Variants in EPCIP observed in about 807,000 individuals in gnomAD.
The protein encoded by EPCIP is exosomal polycystin 1 interacting protein.
the EPCIP span, among the ~76,000 whole-genome samples, chr21:32,809,279 C>CCTTCCTTTCTTTCTTTCTTTCTTT: frequency 1.3e-5 from 1 of 79,968 alleles, no homozygotes; most frequent in African/African-American, 4.6e-5. Context: ...CTCCCTCCTT[C>CCTTCCTTTCTTTCTTTCTTTCTTT]CTTTCTTTCT....
chr21:32,803,106 A>G, the EPCIP span, among the ~76,000 whole-genome samples: 1 of 152,150 alleles, frequency 6.6e-6, no homozygotes, highest in Non-Finnish European at 1.5e-5. Context: ...GAGTAGGTGG[A>G]GTAGCTCTCC....
At chr21:32,811,409 A>T in the EPCIP span, among the ~76,000 whole-genome samples, 1 of 152,276 alleles carries the variant, frequency 6.6e-6, no homozygotes, top group East Asian at 1.9e-4. Flanking sequence ...TGGGGTTACA[A>T]GCATGAGCCA....
At chr21:32,810,713 T>G in the EPCIP span, 1 of 470,248 alleles carries the variant, frequency 2.1e-6, no homozygotes, top group South Asian at 1.5e-5. Context: ...CTCTAGCTCC[T>G]GACTGCATCA....
chr21:32,799,890 C>T, the EPCIP span, among the ~76,000 whole-genome samples: 5 of 152,046 alleles, frequency 3.3e-5, no homozygotes, highest in Admixed American at 6.6e-5. Context: ...TGCCGTGAGC[C>T]GAGATCGCAC....
At chr21:32,810,822 A>ATCAGGACTCCTAGGAATC in the EPCIP span, among the ~76,000 whole-genome samples, 6 of 152,122 alleles carry the variant, frequency 3.9e-5, no homozygotes, top group Admixed American at 6.6e-5. Flanking sequence ...ATTCCCAAGA[A>ATCAGGACTCCTAGGAATC]AGTTCAGACT....
the EPCIP span, chr21:32,794,432 C>A: frequency 6.2e-7 from 1 of 1,605,888 alleles, no homozygotes; most frequent in Non-Finnish European, 8.5e-7. Flanking sequence ...GCTTGCCCAG[C>A]ATGGGCCAGC....
the EPCIP span, among the ~76,000 whole-genome samples, chr21:32,800,335 A>G: frequency 4.7e-4 from 72 of 152,270 alleles, no homozygotes; most frequent in Non-Finnish European, 7.5e-4. Context: ...TGATGTCTGT[A>G]TCTCCTCAAT....
chr21:32,794,222 A>G, the EPCIP span: 1 of 1,614,172 alleles, frequency 6.2e-7, no homozygotes, highest in Non-Finnish European at 8.5e-7. Flanking sequence ...TGCAAGGGGC[A>G]GGACGGTTTT....
chr21:32,797,115 C>A, the EPCIP span: 1 of 410,040 alleles, frequency 2.4e-6, no homozygotes, highest in Non-Finnish European at 4.9e-6. Context: ...ATTAGGAAGC[C>A]CAAAGGCCAG....
the EPCIP span, among the ~76,000 whole-genome samples, chr21:32,810,986 G>T: frequency 6.6e-6 from 1 of 152,192 alleles, no homozygotes; most frequent in East Asian, 1.9e-4. Flanking sequence ...ACTGAAAATT[G>T]AATGAAATCA....
chr21:32,793,354 A>T, the EPCIP span, among the ~76,000 whole-genome samples: 3 of 152,220 alleles, frequency 2.0e-5, no homozygotes, highest in Non-Finnish European at 2.9e-5. Flanking sequence ...AAAAAAATTA[A>T]GGCAGTATTT....
the EPCIP span, among the ~76,000 whole-genome samples, chr21:32,792,024 C>A: frequency 2.0e-5 from 3 of 152,024 alleles, no homozygotes; most frequent in African/African-American, 7.2e-5. Flanking sequence ...CCTGCCTCAG[C>A]CTCCTGAGTA....
At chr21:32,802,997 A>C in the EPCIP span, among the ~76,000 whole-genome samples, 2 of 152,146 alleles carry the variant, frequency 1.3e-5, no homozygotes, top group Admixed American at 6.5e-5. Context: ...GCCACGAGAA[A>C]AACATAGCTC....
the EPCIP span, among the ~76,000 whole-genome samples, chr21:32,799,194 GC>G: frequency 6.6e-6 from 1 of 152,084 alleles, no homozygotes; most frequent in African/African-American, 2.4e-5. Context: ...AAAGGTGGGT[GC>G]CCACAAGACC....
chr21:32,799,234 A>C, the EPCIP span, among the ~76,000 whole-genome samples: 2 of 152,022 alleles, frequency 1.3e-5, no homozygotes, highest in Admixed American at 6.6e-5. Context: ...GAGCATTGCA[A>C]CTCTACTCCT....
chr21:32,800,564 TC>T, the EPCIP span, among the ~76,000 whole-genome samples: 1 of 152,216 alleles, frequency 6.6e-6, no homozygotes, highest in African/African-American at 2.4e-5. Context: ...ACGCCTGTAA[TC>T]CCAGCACTCT....
chr21:32,797,315 C>G, the EPCIP span: 3 of 220,136 alleles, frequency 1.4e-5, no homozygotes, highest in Non-Finnish European at 2.8e-5. Context: ...GTGGTGCAAT[C>G]TCAGCTCACT....
chr21:32,795,814 C>A, the EPCIP span, among the ~76,000 whole-genome samples: 1 of 152,352 alleles, frequency 6.6e-6, no homozygotes, highest in East Asian at 1.9e-4. Flanking sequence ...GAGGCACAAG[C>A]CACAACCCCA....
At chr21:32,807,754 A>G in the EPCIP span, 2 of 152,268 alleles carry the variant, frequency 1.3e-5, no homozygotes, top group South Asian at 2.1e-4. Flanking sequence ...GTTTCTGTGT[A>G]TGGGTGACAG....
Sources: allele counts gnomAD v4.1 joint callset (sites outside exome capture counted in the v4.1 genomes callset), GRCh38; gene constraint gnomAD v4.1.1; transcripts MANE v1.5; gene names NCBI Gene and HGNC (gene_info 2026-07-23, HGNC 2026-07-21).